SLC24A1: variants seen among roughly 807,000 people sequenced by gnomAD.
SLC24A1 encodes the protein solute carrier family 24 member 1.
Under a neutral mutation model 88.1 loss-of-function variants are expected in SLC24A1, and 52 were observed. The observed-to-expected ratio is 0.59, with a 90% confidence interval of 0.47 to 0.74. The LOEUF is 0.74. Ranked by LOEUF, SLC24A1 falls within the 30% of genes least tolerant of loss-of-function variation. The pLI is 0.00. For synonymous variants in SLC24A1, 455 were observed against 498.0 expected (o/e 0.91, Z 1.15); for missense variants, 1,173 against 1,363.3 (o/e 0.86, Z 2.20).
chr15:65,640,842 T>G (rs1260919857), intron 4 of SLC24A1, among the ~76,000 whole-genome samples: 1 of 151,558 alleles, frequency 6.6e-6, no homozygotes, highest in Non-Finnish European at 1.5e-5. Context: ...GTGGATTGCC[T>G]GAGCTCAGGA....
At chr15:65,614,825 T>G (rs1477322658) in intron 2 of SLC24A1, among the ~76,000 whole-genome samples, 1 of 151,972 alleles carries the variant, frequency 6.6e-6, no homozygotes, top group Non-Finnish European at 1.5e-5. Flanking sequence ...GTAAGAGAGG[T>G]TATTGGAAAA....
intron 2 of SLC24A1, among the ~76,000 whole-genome samples, chr15:65,615,766 A>C (rs997003981): frequency 5.9e-5 from 9 of 152,278 alleles, no homozygotes; most frequent in Admixed American, 5.2e-4. Context: ...TCTAGGGTAC[A>C]TATGCACAAC....
rs188156434 is a variant in SLC24A1 at position 65,627,869 on chromosome 15, A to T, written c.1890+1899A>T. Among the ~76,000 whole-genome samples, 432 of 152,336 alleles carry T rather than the reference A, an allele frequency of 2.8e-3. 1 individual carries two copies. The highest frequency in any genetic ancestry group is 4.5e-3 in the Non-Finnish European group (304 of 68,030). ...CAAAAGAGAATACATAACCTACTGA[A>T]GGGACTCTTCAAGGGCTTTAGTAGC... On this transcript the variant is annotated intron_variant, in intron 2 of 9. Transcript: ENST00000261892.
rs1468699325 is a variant in SLC24A1, at chr15:65,632,642, C to T, written c.1891-5486C>T. ...TAGTCTGGGAGTAATCCCTCAAGAA[C>T]CCCAACATTCATTGAGCAAACATTC... is the stretch of plus-strand genomic sequence containing the variant. On this transcript the variant is annotated intron_variant, in intron 2 of 9. Coordinates refer to ENST00000261892, the MANE Select transcript of SLC24A1 (RefSeq NM_004727.3). Among the ~76,000 whole-genome samples, 3 of 152,286 alleles carry T rather than the reference C, an allele frequency of 2.0e-5. No individual in the cohort carries two copies. The East Asian group carries it at 5.8e-4, about 29-fold the overall frequency.
chr15:65,647,605 G>T (rs2075349608), intron 6 of SLC24A1, among the ~76,000 whole-genome samples: 1 of 152,156 alleles, frequency 6.6e-6, no homozygotes, highest in South Asian at 2.1e-4. Context: ...AACACAGGAA[G>T]TGGAAGCTAC....
At chr15:65,644,280 G>A (rs570934997) in intron 4 of SLC24A1, 147 bp from the exon 5 acceptor site, 6 of 687,380 alleles carry the variant, frequency 8.7e-6, no homozygotes, top group African/African-American at 1.8e-5. Flanking sequence ...CGTAGGATCA[G>A]AATCCAGATG....
intron 2 of SLC24A1, among the ~76,000 whole-genome samples, chr15:65,631,187 A>C (rs78213324): frequency 0.062 from 9,508 of 152,214 alleles, 313 homozygotes; most frequent in African/African-American, 0.091. Flanking sequence ...CATACAACCC[A>C]GTAATATTTT....
upstream of SLC24A1, among the ~76,000 whole-genome samples, chr15:65,620,139 C>T (rs1354616590): frequency 2.6e-5 from 4 of 151,484 alleles, no homozygotes; most frequent in South Asian, 6.2e-4. Flanking sequence ...TTATTAAATA[C>T]ATTCATTGCT....
In SLC24A1 at chr15:65,637,809, C is replaced by T. The variant is rs74024333; in HGVS notation, c.1891-319C>T. Among the ~76,000 whole-genome samples, 301 of 152,010 alleles carry T rather than the reference C, an allele frequency of 2.0e-3. 1 individual carries two copies. The highest frequency in any genetic ancestry group is 0.017 in the East Asian group (88 of 5,156). On this transcript the variant is annotated intron_variant, in intron 2 of 9. Coordinates refer to ENST00000261892, the MANE Select transcript of SLC24A1 (RefSeq NM_004727.3). ...AAGCCTGAGGAGGGAAAGAGCATTA[C>T]GGACAGGGGGCGAGGGGCCCTGTGA...
downstream of SLC24A1, chr15:65,660,426 C>T (rs2075816443): frequency 1.2e-6 from 1 of 801,948 alleles, no homozygotes; most frequent in Non-Finnish European, 2.0e-6. Context: ...TGGCTTTATA[C>T]ACCTAATTTG....
chr15:65,628,286 C>T (rs560125389), intron 2 of SLC24A1, among the ~76,000 whole-genome samples: 1 of 152,242 alleles, frequency 6.6e-6, no homozygotes, highest in African/African-American at 2.4e-5. Flanking sequence ...ATGTCATCAC[C>T]CCTTCAAGGA....
rs1287874623 is a variant in SLC24A1, at chr15:65,654,824, G to A, written c.*745G>A. The A allele has an allele frequency of 5.7e-5, 60 of 1,048,532 alleles. No homozygotes were observed. Among genetic ancestry groups the A allele is most frequent in the Non-Finnish European group, 7.5e-5 (60 of 796,138 alleles). The allele number at this position is 1,048,532 out of a possible 1,614,324, so 65.0% of individuals were successfully genotyped here. ...CGGTTCAAGCAATTCTCCTGCCTCA[G>A]CCTGAAGTCGTGATCTGCCCGCCTC... On this transcript the variant is annotated 3_prime_UTR_variant, in exon 10 of 10. Coordinates refer to ENST00000261892, the MANE Select transcript of SLC24A1 (RefSeq NM_004727.3).
At chr15:65,638,274 C>A in intron 3 of SLC24A1, 93 bp downstream of exon 3, 1 of 912,838 alleles carries the variant, frequency 1.1e-6, no homozygotes. Context: ...TGCTGGGGAC[C>A]CTGGCTGTGC....
At chr15:65,620,586 AT>A (rs1395762436), upstream of SLC24A1, among the ~76,000 whole-genome samples, 1 of 152,144 alleles carries the variant, frequency 6.6e-6, no homozygotes, top group Non-Finnish European at 1.5e-5. Flanking sequence ...ATGTGCCAGA[AT>A]CCCATGATAA....
At chr15:65,647,514 GAGAA>G (rs2141677804) in intron 6 of SLC24A1, among the ~76,000 whole-genome samples, 1 of 149,424 alleles carries the variant, frequency 6.7e-6, no homozygotes, top group East Asian at 2.0e-4. Context: ...GAGACAGAGA[GAGAA>G]AGAATCGGTT....
intron 4 of SLC24A1, chr15:65,644,018 C>G (rs2075221628): frequency 1.0e-5 from 2 of 197,132 alleles, no homozygotes; most frequent in Non-Finnish European, 2.1e-5. Flanking sequence ...ACAGACATTA[C>G]CAATCAATCA....
chr15:65,642,683 C>T (rs755515393), intron 4 of SLC24A1, among the ~76,000 whole-genome samples: 4 of 152,188 alleles, frequency 2.6e-5, no homozygotes, highest in Non-Finnish European at 5.9e-5. Context: ...CTGATGAGGA[C>T]CCAGGCCCAC....
At chr15:65,640,146 G>A (rs1253723387) in intron 4 of SLC24A1, among the ~76,000 whole-genome samples, 2 of 152,138 alleles carry the variant, frequency 1.3e-5, no homozygotes, top group Non-Finnish European at 2.9e-5. Flanking sequence ...TTCTGGGGAC[G>A]CCTCTTGTAG....
chr15:65,613,346 G>A (rs1369497083), intron 2 of SLC24A1, among the ~76,000 whole-genome samples: 1 of 152,176 alleles, frequency 6.6e-6, no homozygotes, highest in Non-Finnish European at 1.5e-5. Flanking sequence ...GGAGCTCAAA[G>A]GGAAGTCTAG....
Sources: gnomAD v4.1 joint callset for allele counts (sites outside exome capture counted in the v4.1 genomes callset) on GRCh38, gnomAD v4.1.1 for gene constraint, MANE v1.5 for transcripts, NCBI Gene and HGNC (gene_info 2026-07-23, HGNC 2026-07-21) for gene names.